The following HELZ variants were observed in gnomAD, a reference collection of about 807,000 sequenced individuals.
HELZ encodes the protein ATP-dependent RNA helicase with zinc finger domain.
Under a neutral mutation model 218.2 loss-of-function variants are expected in HELZ, and 23 were observed. The observed-to-expected ratio is 0.11, with a 90% confidence interval of 0.08 to 0.15. The LOEUF (loss-of-function observed/expected upper bound fraction) is 0.15, where lower values mean the gene tolerates loss of function less well. HELZ is among the 10% of genes least tolerant of loss of function. The pLI, the probability that HELZ is intolerant of heterozygous loss-of-function variation, is 1.00. For synonymous variants in HELZ, 814 were observed against 829.4 expected (o/e 0.98, Z 0.32); for missense variants, 1,813 against 2,353.7 (o/e 0.77, Z 4.75).
At chr17:67,142,468 A>T (rs1340502584) in intron 21 of HELZ, among the ~76,000 whole-genome samples, 3 of 152,192 alleles carry the variant, frequency 2.0e-5, no homozygotes, top group Non-Finnish European at 4.4e-5. Context: ...TAATCATGTC[A>T]CTGCCTTCCA....
intron 9 of HELZ, among the ~76,000 whole-genome samples, chr17:67,191,554 G>A (rs1458011143): frequency 1.3e-5 from 2 of 151,942 alleles, no homozygotes; most frequent in Non-Finnish European, 2.9e-5. Context: ...CGGGTTCAAG[G>A]GATGCTCCTG....
intron 32 of HELZ, 117 bp from the exon 33 acceptor site, chr17:67,078,703 C>T: frequency 1.6e-6 from 1 of 606,878 alleles, no homozygotes; most frequent in Admixed American, 3.2e-5. Flanking sequence ...GACAGTATAG[C>T]CACAAGGACA....
At chr17:67,182,632 A>AT (rs2039645641) in intron 12 of HELZ, among the ~76,000 whole-genome samples, 1 of 152,226 alleles carries the variant, frequency 6.6e-6, no homozygotes, top group Non-Finnish European at 1.5e-5. Context: ...CTATAAACAG[A>AT]TTTTAATAGA....
chr17:67,228,936 T>C (rs2040964826), intron 3 of HELZ, among the ~76,000 whole-genome samples: 1 of 152,070 alleles, frequency 6.6e-6, no homozygotes, highest in Non-Finnish European at 1.5e-5. Context: ...GAGGCTGGTC[T>C]CAAACTCCCA....
At chr17:67,100,088 A>G (rs184537465) in intron 31 of HELZ, among the ~76,000 whole-genome samples, 1 of 152,336 alleles carries the variant, frequency 6.6e-6, no homozygotes, top group East Asian at 1.9e-4. Context: ...ATCTATTCCT[A>G]AAGTGAGAAT....
chr17:67,080,355 G>A (rs941078061), intron 32 of HELZ, among the ~76,000 whole-genome samples: 2 of 152,018 alleles, frequency 1.3e-5, no homozygotes, highest in Admixed American at 1.3e-4. Context: ...AGTTTTTTGT[G>A]GCCCTATAAT....
rs2041448657 is a variant in HELZ at position 67,245,152 on chromosome 17, C to T, written c.-136G>A. 2 of 985,072 alleles carry T rather than the reference C, an allele frequency of 2.0e-6. No individual in the cohort carries two copies. Among genetic ancestry groups the T allele is most frequent in the Non-Finnish European group, 1.2e-6 (1 of 829,900 alleles). 61.0% of individuals were successfully genotyped at this position (985,072 alleles called of 1,614,324 possible). On this transcript the variant is annotated 5_prime_UTR_variant, in exon 1 of 33. It removes an upstream start codon present in the reference 5' UTR. Transcript: ENST00000358691. ...AAGGGGGAAGTCAGGACTTACCTGT[C>T]ATTACTTTCTACGCCATCTTGGATC... is the stretch of plus-strand genomic sequence containing the variant.
chr17:67,081,821 G>C (rs778379411), intron 32 of HELZ, among the ~76,000 whole-genome samples: 1 of 152,164 alleles, frequency 6.6e-6, no homozygotes, highest in Non-Finnish European at 1.5e-5. Context: ...GGGGGGTGCA[G>C]GTACAGACAG....
At chr17:67,086,747 G>A (rs1050296491) in intron 32 of HELZ, 82 bp downstream of exon 32, 3 of 1,432,786 alleles carry the variant, frequency 2.1e-6, no homozygotes, top group African/African-American at 1.4e-5. Flanking sequence ...CAAATTGGGG[G>A]CAGGTGGTAT....
At chr17:67,086,442 G>A (rs905923273) in intron 32 of HELZ, among the ~76,000 whole-genome samples, 1 of 151,222 alleles carries the variant, frequency 6.6e-6, no homozygotes, top group Admixed American at 6.6e-5. Flanking sequence ...TTAGCCAGGC[G>A]TGGGTGTGTG....
At chr17:67,222,328 C>T (rs554965682) in intron 3 of HELZ, among the ~76,000 whole-genome samples, 2 of 152,288 alleles carry the variant, frequency 1.3e-5, no homozygotes, top group Admixed American at 1.3e-4. Flanking sequence ...AAGTCACTGA[C>T]AAGGACTAGC....
At position 67,149,916 on chromosome 17, in the gene HELZ, G is replaced by T. The variant is rs771210532; in HGVS notation, c.2426C>A (p.Ala809Glu). 8.1e-6 allele frequency: 13 copies of T among 1,611,366 alleles called. No homozygotes were observed. The highest frequency in any genetic ancestry group is 1.1e-5 in the Non-Finnish European group (13 of 1,178,576). The change falls in exon 19 of 33, where the codon GCA becomes GAA. Residue 809 changes from alanine to glutamate, a missense_variant. Coordinates refer to ENST00000358691, the MANE Select transcript of HELZ (RefSeq NM_014877.4). Reference protein sequence around the residue: ...AMECETIMPLALATQNTRIVL... With the variant: ...AMECETIMPLELATQNTRIVL... The stretch of plus-strand genomic sequence containing the variant: ...AATCCGAGTGTTTTGAGTTGCTAAT[G>T]CTAGAGGCATAATGGTTTCACACTC...
intron 22 of HELZ, among the ~76,000 whole-genome samples, chr17:67,137,454 T>C (rs1184920096): frequency 6.6e-6 from 1 of 152,204 alleles, no homozygotes; most frequent in Admixed American, 6.5e-5. Flanking sequence ...AAACCTAACA[T>C]TGTATTAGGC....
At chr17:67,105,624 T>C (rs1471782894) in intron 31 of HELZ, among the ~76,000 whole-genome samples, 2 of 152,242 alleles carry the variant, frequency 1.3e-5, no homozygotes, top group Non-Finnish European at 2.9e-5. Flanking sequence ...TGAATTTTAT[T>C]ATAAATAGCT....
intron 31 of HELZ, 49 bp downstream of exon 31, chr17:67,107,120 T>C: frequency 6.8e-7 from 1 of 1,479,472 alleles, no homozygotes; most frequent in African/African-American, 1.4e-5. Context: ...TAAATACTGA[T>C]ATTTTTCACA....
intron 31 of HELZ, among the ~76,000 whole-genome samples, chr17:67,099,957 C>T (rs2036872770): frequency 1.3e-5 from 2 of 152,124 alleles, no homozygotes; most frequent in Admixed American, 1.3e-4. Flanking sequence ...TTGCTGATCA[C>T]TGTTACATGC....
chr17:67,156,281 G>T (rs926576153), intron 17 of HELZ, among the ~76,000 whole-genome samples: 9 of 151,848 alleles, frequency 5.9e-5, no homozygotes, highest in Non-Finnish European at 8.8e-5. Context: ...ACCAATATTT[G>T]AATTTAACCT....
In HELZ at chr17:67,151,155, G is replaced by T. The variant is rs200210392; in HGVS notation, c.2247C>A (p.Ser749Arg). 6.2e-7 allele frequency: 1 copy of T among 1,613,882 alleles called. No individual in the cohort carries two copies. The highest frequency in any genetic ancestry group is 1.7e-5 in the Admixed American group (1 of 60,012). The change falls in exon 18 of 33, where the codon AGC becomes AGA. Residue 749 changes from serine (S) to arginine (R), a missense_variant. Ser to Arg is a moderately radical substitution (Grantham distance 110, BLOSUM62 -1). Around this residue, in one of 4 missense-constraint regions of HELZ, gnomAD observed 714 missense variants for 1,029.2 expected, o/e 0.69. Coordinates refer to ENST00000358691, the MANE Select transcript of HELZ (RefSeq NM_014877.4). Reference protein sequence around the residue: ...PVVHQYCLISSAHSTFQMPQK... With the variant: ...PVVHQYCLISRAHSTFQMPQK... ...GGGGCATCTGAAAGGTGGAATGTGC[G>T]CTTGAGATCAAACAGTACTGATGCA...
intron 25 of HELZ, 37 bp from the exon 26 acceptor site, chr17:67,123,197 T>C: frequency 4.9e-6 from 6 of 1,233,574 alleles, no homozygotes; most frequent in Non-Finnish European, 6.8e-6. Flanking sequence ...ACTCAACAGC[T>C]GTACATAGTC....
Sources: allele counts gnomAD v4.1 joint callset (sites outside exome capture counted in the v4.1 genomes callset), GRCh38; gene constraint gnomAD v4.1.1; regional missense constraint gnomAD v4.1.1; transcripts MANE v1.5; gene names NCBI Gene and HGNC (gene_info 2026-07-23, HGNC 2026-07-21).